Variants in PUS7 observed in about 807,000 individuals in gnomAD.
PUS7 encodes pseudouridylate synthase 7 homolog.
In PUS7, 48 loss-of-function variants were observed where a neutral mutation model predicts 79.8. The ratio of observed to expected loss-of-function variants is 0.60; its 90% CI spans 0.48 to 0.76. The LOEUF is 0.76. PUS7 is among the 30% of genes least tolerant of loss of function. The pLI is 0.00. For synonymous variants in PUS7, 286 were observed against 272.2 expected (o/e 1.05, Z -0.50); for missense variants, 729 against 797.6 (o/e 0.91, Z 1.04).
At chr7:105,485,501 T>C (rs1381215881) in intron 7 of PUS7, among the ~76,000 whole-genome samples, 3 of 151,992 alleles carry the variant, frequency 2.0e-5, no homozygotes, top group Non-Finnish European at 4.4e-5. Context: ...TGAGCCACCT[T>C]GCTCGGCCTA....
At chr7:105,509,111 G>T (rs1369820047) in intron 1 of PUS7, among the ~76,000 whole-genome samples, 1 of 143,130 alleles carries the variant, frequency 7.0e-6, no homozygotes, top group Non-Finnish European at 1.5e-5. Flanking sequence ...TTGAACCTGG[G>T]AGGCGGAGTT....
intron 2 of PUS7, 90 bp downstream of exon 2, chr7:105,508,025 G>T (rs1310821080): frequency 4.2e-6 from 6 of 1,427,066 alleles, no homozygotes; most frequent in Non-Finnish European, 4.6e-6. Context: ...CTTGGAGATG[G>T]AAAGCTAAGT....
chr7:105,470,800 T>C lies in PUS7; in HGVS notation c.1286A>G (p.Lys429Arg). ...TTTTCTGAGGGCAGCAGTTGGGTCT[T>C]TGGTCTTTGCCCATTCTTCTCTGCA... is the stretch of plus-strand genomic sequence containing the variant. Reference protein sequence around the residue: ...VKCREEWAKTKDPTAALRKLP... With the variant: ...VKCREEWAKTRDPTAALRKLP... Residue 429 changes from lysine (K) to arginine (R), a missense_variant, in exon 11 of 16, where the codon AAA (lysine) becomes AGA (arginine). Physicochemically the swap from Lys to Arg is conservative, Grantham distance 26. Coordinates refer to ENST00000469408, the MANE Select transcript of PUS7 (RefSeq NM_019042.5). 1 of 1,611,612 alleles carries C rather than the reference T, an allele frequency of 6.2e-7. No individual in the cohort carries two copies. Among genetic ancestry groups the C allele is most frequent in the East Asian group, 2.2e-5 (1 of 44,810 alleles).
intron 11 of PUS7, chr7:105,470,368 G>A (rs776811853): frequency 5.1e-6 from 1 of 197,602 alleles, no homozygotes; most frequent in Non-Finnish European, 1.0e-5. Context: ...TCTGGTAACG[G>A]AATGATCAAG....
intron 4 of PUS7, among the ~76,000 whole-genome samples, chr7:105,505,382 C>A (rs1342171840): frequency 6.6e-6 from 1 of 152,286 alleles, no homozygotes; most frequent in Non-Finnish European, 1.5e-5. Flanking sequence ...AATTGACCCA[C>A]GATGAGCAAA....
rs1824355089 is a variant in PUS7 at position 105,482,306 on chromosome 7, C to T, written c.1049+6G>A. 1.2e-6 allele frequency: 2 copies of T among 1,612,842 alleles called. No individual in the cohort carries two copies. The highest frequency in any genetic ancestry group is 1.7e-6 in the Non-Finnish European group (2 of 1,179,358). On this transcript the variant is annotated splice_donor_region_variant and intron_variant, in intron 8 of 15. Coordinates refer to ENST00000469408, the MANE Select transcript of PUS7 (RefSeq NM_019042.5). ...CTGGTCTACATTCCCACCTGCAGTT[C>T]TTTACCTGAGAACAACAGTGAAGTG...
chr7:105,511,684 C>G (rs1371551556), intron 1 of PUS7, among the ~76,000 whole-genome samples: 2 of 151,860 alleles, frequency 1.3e-5, no homozygotes, highest in Non-Finnish European at 2.9e-5. Flanking sequence ...TCGTTTGAAC[C>G]CAGGAGGTAG....
At chr7:105,466,696 C>T (rs1823655507) in intron 12 of PUS7, among the ~76,000 whole-genome samples, 1 of 151,000 alleles carries the variant, frequency 6.6e-6, no homozygotes, top group Non-Finnish European at 1.5e-5. Context: ...AGCCACCATA[C>T]TACAAAATCG....
At chr7:105,497,109 G>A (rs1011923057) in intron 5 of PUS7, 24 of 461,272 alleles carry the variant, frequency 5.2e-5, no homozygotes, top group African/African-American at 4.0e-4. Flanking sequence ...GTAGTTATGC[G>A]GTGGGTTAAC....
intron 5 of PUS7, among the ~76,000 whole-genome samples, chr7:105,496,196 C>T (rs10266028): frequency 0.14 from 11,116 of 80,604 alleles, 494 homozygotes; most frequent in Non-Finnish European, 0.18. Context: ...CACACACACA[C>T]ATATATATAT....
chr7:105,518,989 C>T (rs914982173), intron 1 of PUS7, among the ~76,000 whole-genome samples: 6 of 152,116 alleles, frequency 3.9e-5, no homozygotes, highest in African/African-American at 1.4e-4. Flanking sequence ...AAGATTGTCT[C>T]GAACTCCTGA....
intron 9 of PUS7, among the ~76,000 whole-genome samples, chr7:105,474,651 C>T (rs867924225): frequency 4.0e-5 from 6 of 151,398 alleles, no homozygotes; most frequent in Admixed American, 3.3e-4. Context: ...CGTGGTGGCA[C>T]GTGCCTGTAG....
At chr7:105,486,328 C>G (rs1206388723) in intron 7 of PUS7, among the ~76,000 whole-genome samples, 4 of 152,194 alleles carry the variant, frequency 2.6e-5, no homozygotes, top group Non-Finnish European at 5.9e-5. Flanking sequence ...GCTGGGATTA[C>G]AGGCGTGAGC....
At chr7:105,509,276 T>C (rs1027685956) in intron 1 of PUS7, among the ~76,000 whole-genome samples, 7 of 151,288 alleles carry the variant, frequency 4.6e-5, no homozygotes, top group African/African-American at 1.7e-4. Flanking sequence ...CTAAAAATCA[T>C]TTATAGAAAT....
chr7:105,462,916 A>G (rs562770978), intron 13 of PUS7, among the ~76,000 whole-genome samples, 166 bp from the exon 14 acceptor site: 1 of 152,296 alleles, frequency 6.6e-6, no homozygotes, highest in East Asian at 1.9e-4. Context: ...AAATTTAGTG[A>G]CTTAGTAACT....
At chr7:105,474,692 A>G (rs1368314853) in intron 9 of PUS7, among the ~76,000 whole-genome samples, 2 of 151,928 alleles carry the variant, frequency 1.3e-5, no homozygotes, top group African/African-American at 4.8e-5. Context: ...GAGGCAGGAG[A>G]ACTGCTTGAA....
At chr7:105,491,112 C>A (rs185588312) in intron 7 of PUS7, among the ~76,000 whole-genome samples, 154 of 152,284 alleles carry the variant, frequency 1.0e-3, no homozygotes, top group African/African-American at 3.1e-3. Flanking sequence ...ACATTAACAT[C>A]CAAAGTATAT....
At chr7:105,516,594 C>T (rs1562825201) in intron 1 of PUS7, among the ~76,000 whole-genome samples, 2 of 151,988 alleles carry the variant, frequency 1.3e-5, no homozygotes, top group Non-Finnish European at 2.9e-5. Flanking sequence ...GCTGGAATTA[C>T]AGACGCCCGC....
rs1249248352 is a variant in PUS7 at position 105,482,446 on chromosome 7, A to C, written c.921-6T>G. On this transcript the variant is annotated splice_region_variant and splice_polypyrimidine_tract_variant and intron_variant, in intron 7 of 15. Coordinates refer to ENST00000469408, the MANE Select transcript of PUS7 (RefSeq NM_019042.5). ...CAAGTCTTTGTGCAGTTATTCTTTA[A>C]AAAAAAAAAAAAAAGCAACAAAACA... 6 of 652,246 alleles carry C rather than the reference A, an allele frequency of 9.2e-6. No homozygotes were observed. The South Asian group carries it at 2.3e-4, about 25-fold the overall frequency. The allele number at this position is 652,246 out of a possible 1,614,324, so 40.4% of individuals were successfully genotyped here.
Sources: allele counts gnomAD v4.1 joint callset (sites outside exome capture counted in the v4.1 genomes callset), GRCh38; gene constraint gnomAD v4.1.1; transcripts MANE v1.5; gene names NCBI Gene and HGNC (gene_info 2026-07-23, HGNC 2026-07-21).